CLNK: variants seen among roughly 807,000 people sequenced by gnomAD.
CLNK encodes cytokine dependent hematopoietic cell linker.
CLNK carries 74 observed loss-of-function variants against 68.6 expected under a neutral mutation model. That is an observed-to-expected ratio of 1.08 (90% CI 0.89 to 1.31). The LOEUF (loss-of-function observed/expected upper bound fraction) is 1.31, where lower values mean the gene tolerates loss of function less well. Ranked by LOEUF, CLNK falls within the 50% of genes most tolerant of loss-of-function variation. The pLI is 0.00. For synonymous variants in CLNK, 198 were observed against 172.2 expected (o/e 1.15, Z -1.17); for missense variants, 553 against 515.3 (o/e 1.07, Z -0.71).
intron 15 of CLNK, among the ~76,000 whole-genome samples, chr4:10,516,515 C>G (rs1717841048): frequency 6.6e-6 from 1 of 150,756 alleles, no homozygotes; most frequent in African/African-American, 2.4e-5. Context: ...TTCTGATACA[C>G]TGGCAATTTT....
At chr4:10,577,927 T>A (rs1397934856) in intron 4 of CLNK, among the ~76,000 whole-genome samples, 2 of 152,162 alleles carry the variant, frequency 1.3e-5, no homozygotes, top group Non-Finnish European at 2.9e-5. Context: ...GAAGGCAACA[T>A]GTATTTCATG....
intron 16 of CLNK, among the ~76,000 whole-genome samples, chr4:10,508,898 G>T (rs901695532): frequency 6.6e-6 from 1 of 152,082 alleles, no homozygotes; most frequent in Admixed American, 6.5e-5. Context: ...CACAAGGTCA[G>T]GAGATCGAGA....
intron 8 of CLNK, among the ~76,000 whole-genome samples, chr4:10,552,369 G>A (rs1240052746): frequency 6.6e-6 from 1 of 152,148 alleles, no homozygotes; most frequent in Non-Finnish European, 1.5e-5. Flanking sequence ...TCCAGCTAAG[G>A]CGCAGACATA....
intron 12 of CLNK, chr4:10,531,371 A>T (rs1718531314): frequency 6.5e-6 from 1 of 153,126 alleles, no homozygotes; most frequent in Admixed American, 6.5e-5. Context: ...CTTACTTTTG[A>T]CTTTATCACA....
At chr4:10,699,513 T>TATATATATTTTA in the CLNK span, among the ~76,000 whole-genome samples, 63 of 62,044 alleles carry the variant, frequency 1.0e-3, 1 homozygote, top group African/African-American at 4.7e-3. Flanking sequence ...TATATATATA[T>TATATATATTTTA]TTTTTTTTTT....
chr4:10,705,736 C>T, the CLNK span, among the ~76,000 whole-genome samples: 1 of 152,236 alleles, frequency 6.6e-6, no homozygotes, highest in Non-Finnish European at 1.5e-5. Flanking sequence ...TGAAATCCAT[C>T]TGCAACCTTA....
rs572607377 is a variant in CLNK at position 10,491,772 on chromosome 4, T to A, written c.1141-1159A>T. Reference sequence around the variant, plus strand: ...GAAGACTTGAGCATATATAGTAATTTTTTTTTTTAATTTCAACAGCTTTAG... The same window carrying A: ...GAAGACTTGAGCATATATAGTAATTATTTTTTTTAATTTCAACAGCTTTAG... On this transcript the variant is annotated intron_variant, in intron 18 of 18. Transcript: ENST00000226951. Among the ~76,000 whole-genome samples the A allele has an allele frequency of 8.3e-3, 1,259 of 152,252 alleles. 11 individuals are homozygous for A. Among genetic ancestry groups the A allele is most frequent in the Middle Eastern group, 0.038 (11 of 292 alleles).
chr4:10,709,938 C>T, the CLNK span, among the ~76,000 whole-genome samples: 1 of 152,152 alleles, frequency 6.6e-6, no homozygotes, highest in Non-Finnish European at 1.5e-5. Flanking sequence ...CTCAAACCAG[C>T]AGAGTTTGGA....
chr4:10,581,999 G>A lies in CLNK; in HGVS notation c.112+2928C>T, dbSNP rs143795876. Among the ~76,000 whole-genome samples, 670 of 152,256 alleles carry A rather than the reference G, an allele frequency of 4.4e-3. 5 individuals carry two copies. Among genetic ancestry groups the A allele is most frequent in the African/African-American group, 0.016 (657 of 41,530 alleles). On this transcript the variant is annotated intron_variant, in intron 4 of 18. Transcript: ENST00000226951. ...CCTTACCATATGCCTGCCAAAGAGC[G>A]TAAACCCTAACATGGGCTAGAAAAT...
the CLNK span, among the ~76,000 whole-genome samples, chr4:10,699,285 C>CACACACACACACCACGTATGT: frequency 1.9e-4 from 9 of 46,196 alleles, 1 homozygote; most frequent in African/African-American, 4.6e-4. Flanking sequence ...ACACCACATA[C>CACACACACACACCACGTATGT]GTGTATACAC....
At position 10,594,458 on chromosome 4, in the gene CLNK, C is replaced by T. The variant is rs549175023; in HGVS notation, c.83+3520G>A. ...CAAACATTGGCACCCACAGGGAGGG[C>T]TTATTTCAACATGGGTGCCTGGGCT... is the stretch of plus-strand genomic sequence containing the variant. On this transcript the variant is annotated intron_variant, in intron 3 of 18. Transcript: ENST00000226951. Among the ~76,000 whole-genome samples, 5 of 152,350 alleles carry T rather than the reference C, an allele frequency of 3.3e-5. No individual in the cohort carries two copies. The East Asian group carries it at 7.7e-4, about 24-fold the overall frequency.
chr4:10,653,951 A>C (rs1025603042), intron 2 of CLNK, among the ~76,000 whole-genome samples: 1 of 152,234 alleles, frequency 6.6e-6, no homozygotes, highest in African/African-American at 2.4e-5. Context: ...TTCTATAACC[A>C]TCAATGATAT....
chr4:10,622,241 C>T lies in CLNK; in HGVS notation c.12-24192G>A, dbSNP rs73810325. Reference sequence around the variant, plus strand: ...ACCAGGAGTTATAATGATATTATTCCCATTATACTGATGGAGAAATTGAGG... The same window carrying T: ...ACCAGGAGTTATAATGATATTATTCTCATTATACTGATGGAGAAATTGAGG... On this transcript the variant is annotated intron_variant, in intron 2 of 18. Transcript: ENST00000226951. Among the ~76,000 whole-genome samples, 894 of 152,108 alleles carry T rather than the reference C, an allele frequency of 5.9e-3. 11 individuals are homozygous for T. Among genetic ancestry groups the T allele is most frequent in the African/African-American group, 0.02 (840 of 41,476 alleles).
At chr4:10,632,590 C>A (rs931104834) in intron 2 of CLNK, among the ~76,000 whole-genome samples, 7 of 152,216 alleles carry the variant, frequency 4.6e-5, no homozygotes, top group African/African-American at 1.7e-4. Flanking sequence ...ACCCCTAGGT[C>A]TAGCCTAGTG....
chr4:10,520,461 T>A (rs576738629), intron 15 of CLNK, among the ~76,000 whole-genome samples: 2 of 152,290 alleles, frequency 1.3e-5, no homozygotes, highest in Admixed American at 1.3e-4. Context: ...GGAAAACACA[T>A]CTAGGGCAGT....
At chr4:10,543,626 T>C (rs2191008) in intron 8 of CLNK, among the ~76,000 whole-genome samples, 96,229 of 152,022 alleles carry the variant, frequency 0.63, 31,937 homozygotes, top group Non-Finnish European at 0.76. Flanking sequence ...TAGATTCCCC[T>C]TGGTGAAAGG....
At chr4:10,689,335 A>G (rs1443123310), upstream of CLNK, among the ~76,000 whole-genome samples, 1 of 152,016 alleles carries the variant, frequency 6.6e-6, no homozygotes, top group African/African-American at 2.4e-5. Flanking sequence ...GGATCTCCCT[A>G]TGTTGACTAG....
intron 3 of CLNK, among the ~76,000 whole-genome samples, chr4:10,591,923 T>C (rs1457429309): frequency 6.6e-6 from 1 of 152,242 alleles, no homozygotes; most frequent in African/African-American, 2.4e-5. Flanking sequence ...ATTTGGGGCA[T>C]GTAATTCCCT....
At chr4:10,689,514 C>T (rs368190010), upstream of CLNK, among the ~76,000 whole-genome samples, 18 of 152,184 alleles carry the variant, frequency 1.2e-4, no homozygotes, top group East Asian at 1.4e-3. Flanking sequence ...TGACACTATT[C>T]GGTGTTTGGT....
Sources: gnomAD v4.1 joint callset for allele counts (sites outside exome capture counted in the v4.1 genomes callset) on GRCh38, gnomAD v4.1.1 for gene constraint, MANE v1.5 for transcripts, NCBI Gene and HGNC (gene_info 2026-07-23, HGNC 2026-07-21) for gene names.